ADAMTSL3: variants seen among roughly 807,000 people sequenced by gnomAD.
The protein encoded by ADAMTSL3 is ADAMTS-like protein 3.
A neutral mutation model predicts 201.7 loss-of-function variants in ADAMTSL3; 128 were observed. The observed-to-expected ratio is 0.63, with a 90% CI of 0.55 to 0.73. ADAMTSL3 has a LOEUF of 0.73. ADAMTSL3 is among the 30% of genes least tolerant of loss of function. ADAMTSL3 has a pLI of 0.00. For missense variants in ADAMTSL3, 1,990 were observed against 2,119.6 expected (o/e 0.94, Z 1.20); for synonymous variants, 738 against 748.4 (o/e 0.99, Z 0.23).
intron 23 of ADAMTSL3, among the ~76,000 whole-genome samples, chr15:83,999,414 T>C (rs2067747777): frequency 6.6e-6 from 1 of 152,230 alleles, no homozygotes; most frequent in Admixed American, 6.5e-5. Flanking sequence ...TTCAACATTT[T>C]TGTAACTAAA....
intron 19 of ADAMTSL3, among the ~76,000 whole-genome samples, chr15:83,946,530 G>T (rs1342641629): frequency 6.6e-6 from 1 of 152,126 alleles, no homozygotes; most frequent in Non-Finnish European, 1.5e-5. Context: ...GGTTTATATT[G>T]TCCTTGAGGC....
At chr15:83,745,707 G>A (rs2062534031) in intron 3 of ADAMTSL3, among the ~76,000 whole-genome samples, 1 of 152,168 alleles carries the variant, frequency 6.6e-6, no homozygotes, top group African/African-American at 2.4e-5. Context: ...GTCGAGAAGG[G>A]GGTCAAGGAA....
intron 27 of ADAMTSL3, among the ~76,000 whole-genome samples, chr15:84,029,418 C>G (rs2068364513): frequency 6.6e-6 from 1 of 152,192 alleles, no homozygotes; most frequent in Non-Finnish European, 1.5e-5. Context: ...TCCTAGAGAT[C>G]TGTGGAATGT....
chr15:83,808,204 G>A (rs2063632545), intron 5 of ADAMTSL3, among the ~76,000 whole-genome samples: 1 of 152,140 alleles, frequency 6.6e-6, no homozygotes, highest in African/African-American at 2.4e-5. Context: ...CCTGAAGAAT[G>A]GGAGAAAATA....
chr15:83,707,605 T>A (rs1410750106), intron 3 of ADAMTSL3, among the ~76,000 whole-genome samples: 1 of 152,214 alleles, frequency 6.6e-6, no homozygotes, highest in Non-Finnish European at 1.5e-5. Flanking sequence ...CCGATCAATA[T>A]CCCACATTCA....
At chr15:83,983,958 A>C (rs894306795) in intron 21 of ADAMTSL3, among the ~76,000 whole-genome samples, 2 of 152,336 alleles carry the variant, frequency 1.3e-5, no homozygotes, top group South Asian at 4.1e-4. Flanking sequence ...GTTTTCTATT[A>C]TCATGCAATT....
At chr15:83,937,715 G>T (rs1032843041) in intron 17 of ADAMTSL3, among the ~76,000 whole-genome samples, 1 of 151,072 alleles carries the variant, frequency 6.6e-6, no homozygotes, top group African/African-American at 2.5e-5. Context: ...TAAATGAACA[G>T]AAATACTAAT....
At chr15:83,890,983 C>A in intron 11 of ADAMTSL3, 1 of 175,634 alleles carries the variant, frequency 5.7e-6, no homozygotes, top group South Asian at 1.6e-4. Context: ...TTCTGAAGAG[C>A]CTACTAATAG....
chr15:83,884,177 G>T (rs887792115), intron 9 of ADAMTSL3, among the ~76,000 whole-genome samples: 1 of 152,076 alleles, frequency 6.6e-6, no homozygotes, highest in African/African-American at 2.4e-5. Flanking sequence ...ATAGGCGTGA[G>T]CCACTGTGCC....
At chr15:83,981,969 T>C (rs2067391743) in intron 20 of ADAMTSL3, among the ~76,000 whole-genome samples, 1 of 152,232 alleles carries the variant, frequency 6.6e-6, no homozygotes, top group African/African-American at 2.4e-5. Flanking sequence ...AACTATTCCC[T>C]ACATTTCACC....
rs777779115 is a variant in ADAMTSL3 at position 84,014,591 on chromosome 15, T to C, written c.4023T>C (p.Ser1341=). 3.1e-6 allele frequency: 5 copies of C among 1,614,104 alleles called. No individual in the cohort carries two copies. Among genetic ancestry groups the C allele is most frequent in the Non-Finnish European group, 4.2e-6 (5 of 1,179,982 alleles). Residue 1341 remains serine, a synonymous_variant, in exon 24 of 30, where the codon AGT becomes AGC. Transcript: ENST00000286744. ...ITWLKRGGSL[S]GNVSLLFNGS... is the part of the protein sequence containing the mutation. ...GGTTGAAGAGAGGAGGATCTCTGAG[T>C]GGCAATGTTTCCTTGCTTTTCAATG... is the stretch of plus-strand genomic sequence containing the variant.
intron 4 of ADAMTSL3, among the ~76,000 whole-genome samples, chr15:83,779,041 G>C (rs1184049513): frequency 6.6e-6 from 1 of 152,148 alleles, no homozygotes; most frequent in African/African-American, 2.4e-5. Context: ...ATGGTAAAGG[G>C]TTCAATTCAC....
At chr15:83,732,087 G>T (rs1187808460) in intron 3 of ADAMTSL3, among the ~76,000 whole-genome samples, 2 of 151,974 alleles carry the variant, frequency 1.3e-5, no homozygotes, top group Non-Finnish European at 2.9e-5. Context: ...ATGTTAATTT[G>T]CTTGACTATA....
chr15:83,893,058 C>T (rs543251315), intron 13 of ADAMTSL3, among the ~76,000 whole-genome samples, 170 bp downstream of exon 13: 10 of 152,100 alleles, frequency 6.6e-5, no homozygotes, highest in East Asian at 1.9e-4. Flanking sequence ...GGAAGAAAGA[C>T]CACAAGCATC....
chr15:83,681,966 G>T (rs1742015419), intron 2 of ADAMTSL3, among the ~76,000 whole-genome samples: 1 of 152,136 alleles, frequency 6.6e-6, no homozygotes. Context: ...ACTTGATCTA[G>T]CAAAAACACC....
At chr15:83,999,374 A>C (rs2067747292) in intron 23 of ADAMTSL3, among the ~76,000 whole-genome samples, 1 of 152,214 alleles carries the variant, frequency 6.6e-6, no homozygotes. Context: ...AAAAAGAGTA[A>C]CAGGAATGGA....
intron 3 of ADAMTSL3, among the ~76,000 whole-genome samples, chr15:83,762,550 C>T (rs766093641): frequency 3.9e-5 from 6 of 152,110 alleles, no homozygotes; most frequent in Non-Finnish European, 8.8e-5. Flanking sequence ...TTGCCATGTC[C>T]TCTAGAGGGC....
chr15:83,925,964 A>G (rs1046315528), intron 17 of ADAMTSL3, among the ~76,000 whole-genome samples: 5 of 152,208 alleles, frequency 3.3e-5, no homozygotes, highest in Non-Finnish European at 5.9e-5. Flanking sequence ...ATATTTCCCC[A>G]TGACATTGGA....
At chr15:83,693,701 TA>T (rs1044561801) in intron 2 of ADAMTSL3, among the ~76,000 whole-genome samples, 2 of 152,214 alleles carry the variant, frequency 1.3e-5, no homozygotes, top group Non-Finnish European at 2.9e-5. Context: ...CCATATGACA[TA>T]GTATACAATT....
Sources: gnomAD v4.1 joint callset for allele counts (sites outside exome capture counted in the v4.1 genomes callset) on GRCh38, gnomAD v4.1.1 for gene constraint, MANE v1.5 for transcripts, NCBI Gene and HGNC (gene_info 2026-07-23, HGNC 2026-07-21) for gene names.